The following TCOF1 variants were observed in gnomAD, a reference collection of about 807,000 sequenced individuals.
TCOF1 encodes treacle ribosome biogenesis factor 1.
Under a neutral mutation model 149.0 loss-of-function variants are expected in TCOF1, and 33 were observed. The observed-to-expected ratio is 0.22, with a 90% CI of 0.17 to 0.30. The LOEUF is 0.30. Among genes scored for constraint, TCOF1 ranks in the 10% least tolerant of loss-of-function variants. The pLI, the probability that TCOF1 is intolerant of heterozygous loss-of-function variation, is 1.00. For missense variants in TCOF1, 1,728 were observed against 1,840.7 expected, an observed-to-expected ratio of 0.94 and a Z score of 1.12; for synonymous variants, 789 against 738.8, an observed-to-expected ratio of 1.07 and a Z score of -1.10.
At chr5:150,371,447 C>G (rs553604836) in intron 6 of TCOF1, among the ~76,000 whole-genome samples, 1 of 152,174 alleles carries the variant, frequency 6.6e-6, no homozygotes, top group Non-Finnish European at 1.5e-5. Flanking sequence ...CCCAGAAACC[C>G]AGGGCCGCAA....
chr5:150,376,075 C>T lies in TCOF1; in HGVS notation c.1894-7C>T, dbSNP rs1763726554. 1.2e-6 allele frequency: 2 copies of T among 1,614,056 alleles called. No individual in the cohort carries two copies. The highest frequency in any genetic ancestry group is 1.1e-5 in the South Asian group (1 of 91,070). On this transcript the variant is annotated splice_polypyrimidine_tract_variant and splice_region_variant and intron_variant, in intron 12 of 26. Transcript: ENST00000643257. ...CCTTCTCCAGCCTTTCTTTGGTGTC[C>T]CCTCAGGCAAAACCAGCTCTGAAAA...
rs1204442859 is a variant in TCOF1 at position 150,392,704 on chromosome 5, G to A, written c.3518-1G>A. 1.2e-6 allele frequency: 2 copies of A among 1,613,968 alleles called. No individual in the cohort carries two copies. The highest frequency in any genetic ancestry group is 1.7e-6 in the Non-Finnish European group (2 of 1,179,982). On this transcript the variant is annotated splice_acceptor_variant, in intron 21 of 26. Coordinates refer to ENST00000643257, the MANE Select transcript of TCOF1 (RefSeq NM_001371623.1). LOFTEE classifies it high-confidence loss of function. Reference sequence around the variant, plus strand: ...ACCAACAGGATACTGTGCTTCTCCAGTAGGTCCCACCCCCTCCAGGACAGA... The same window carrying A: ...ACCAACAGGATACTGTGCTTCTCCAATAGGTCCCACCCCCTCCAGGACAGA...
chr5:150,391,058 G>T (rs1353249985), intron 19 of TCOF1, among the ~76,000 whole-genome samples: 1 of 152,176 alleles, frequency 6.6e-6, no homozygotes, highest in Admixed American at 6.5e-5. Context: ...CTCCAGGCAG[G>T]GAAACTGCAG....
intron 3 of TCOF1, chr5:150,367,521 TG>T (rs1761624219): frequency 1.6e-5 from 6 of 384,942 alleles, no homozygotes; most frequent in South Asian, 1.3e-4. Flanking sequence ...CATTGCAGTG[TG>T]CAGTGCCCAG....
At chr5:150,393,242 A>G (rs937267232) in intron 22 of TCOF1, 130 bp from the exon 23 acceptor site, 2 of 1,111,864 alleles carry the variant, frequency 1.8e-6, no homozygotes, top group African/African-American at 3.1e-5. Context: ...TTGTCCACCC[A>G]CTCTGCACTG....
intron 21 of TCOF1, 188 bp from the exon 22 acceptor site, chr5:150,392,517 A>G: frequency 1.6e-6 from 1 of 638,254 alleles, no homozygotes; most frequent in Non-Finnish European, 2.8e-6. Flanking sequence ...CAAATGTCGC[A>G]CCTAGCATGC....
At chr5:150,377,685 T>C (rs1764137481) in intron 14 of TCOF1, among the ~76,000 whole-genome samples, 1 of 152,166 alleles carries the variant, frequency 6.6e-6, no homozygotes, top group Admixed American at 6.5e-5. Flanking sequence ...AGGGGCCCCT[T>C]CCAGAGCCGC....
At chr5:150,365,558 C>G (rs1346964776) in intron 3 of TCOF1, among the ~76,000 whole-genome samples, 3 of 152,138 alleles carry the variant, frequency 2.0e-5, no homozygotes, top group Non-Finnish European at 2.9e-5. Flanking sequence ...CCTCTATATT[C>G]ATTCAAACAT....
chr5:150,378,390 A>G (rs1199013520), intron 14 of TCOF1, among the ~76,000 whole-genome samples: 1 of 152,202 alleles, frequency 6.6e-6, no homozygotes, highest in African/African-American at 2.4e-5. Context: ...ATTAAGCTGA[A>G]GAAAACCTTA....
chr5:150,385,777 A>G (rs2748222), intron 17 of TCOF1, among the ~76,000 whole-genome samples: 61,344 of 151,960 alleles, frequency 0.4, 12,583 homozygotes, highest in Middle Eastern at 0.51. Context: ...GGGGTATCCC[A>G]GGGTTCCCTC....
chr5:150,362,628 G>A (rs1292166094), intron 2 of TCOF1, among the ~76,000 whole-genome samples: 2 of 152,162 alleles, frequency 1.3e-5, no homozygotes, highest in African/African-American at 4.8e-5. Context: ...CATTAGAGGT[G>A]TGTAAACAAA....
chr5:150,385,133 T>C (rs1233373783), intron 17 of TCOF1: 1 of 954,406 alleles, frequency 1.0e-6, no homozygotes, highest in Non-Finnish European at 1.2e-6. Context: ...CAAAACATCA[T>C]GTTATATACC....
At chr5:150,376,398 A>G (rs1157640772) in intron 13 of TCOF1, 25 bp from the exon 14 acceptor site, 1 of 1,613,870 alleles carries the variant, frequency 6.2e-7, no homozygotes, top group African/African-American at 1.3e-5. Flanking sequence ...TCCTGGAGAC[A>G]CCTCTCTTCC....
chr5:150,376,069 G>C lies in TCOF1; in HGVS notation c.1894-13G>C. ...CAGGAACCTTCTCCAGCCTTTCTTT[G>C]GTGTCCCCTCAGGCAAAACCAGCTC... On this transcript the variant is annotated splice_polypyrimidine_tract_variant and intron_variant, in intron 12 of 26. Transcript: ENST00000643257. 6.2e-7 allele frequency: 1 copy of C among 1,613,872 alleles called. No individual in the cohort carries two copies.
At chr5:150,381,024 AAAAG>A (rs1765046787) in intron 17 of TCOF1, among the ~76,000 whole-genome samples, 1 of 152,092 alleles carries the variant, frequency 6.6e-6, no homozygotes, top group Non-Finnish European at 1.5e-5. Flanking sequence ...AAAAATAAAA[AAAAG>A]AGATGATAAA....
chr5:150,389,020 C>T (rs189393648), intron 18 of TCOF1, among the ~76,000 whole-genome samples: 3 of 152,228 alleles, frequency 2.0e-5, no homozygotes, highest in Middle Eastern at 3.4e-3. Context: ...GTAGGAAGAT[C>T]GCTTGAGCCC....
At chr5:150,376,382 T>C (rs375287879) in intron 13 of TCOF1, 41 bp from the exon 14 acceptor site, 40 of 1,613,978 alleles carry the variant, frequency 2.5e-5, no homozygotes, top group Non-Finnish European at 3.4e-5. Context: ...ACGTGGTCCT[T>C]TGGACTCCTG....
At position 150,367,894 on chromosome 5, in the gene TCOF1, T is replaced by C; in HGVS notation, c.355T>C (p.Ser119Pro). The C allele has an allele frequency of 6.2e-7, 1 of 1,614,176 alleles. No individual in the cohort carries two copies. Among genetic ancestry groups the C allele is most frequent in the Admixed American group, 1.7e-5 (1 of 60,028 alleles). ...NSSVLGADLP[S>P]SMKEKAKAET... Reference sequence around the variant, plus strand: ...CTCAGTCCTGGGGGCGGACTTGCCATCAAGCATGAAAGAAAAAGCCAAGGT... The same window carrying C: ...CTCAGTCCTGGGGGCGGACTTGCCACCAAGCATGAAAGAAAAAGCCAAGGT... Residue 119 changes from serine to proline, a missense_variant, in exon 4 of 27, where the codon TCA becomes CCA. Ser to Pro is a moderately conservative substitution (Grantham distance 74). Around this residue, in one of 2 missense-constraint regions of TCOF1, gnomAD observed 1,696 missense variants for 1,765.4 expected, o/e 0.96. Coordinates refer to ENST00000643257, the MANE Select transcript of TCOF1 (RefSeq NM_001371623.1).
intron 1 of TCOF1, among the ~76,000 whole-genome samples, chr5:150,358,094 A>G (rs1759072440): frequency 2.0e-5 from 3 of 152,212 alleles, no homozygotes; most frequent in Admixed American, 6.5e-5. Flanking sequence ...GTGTGCTCGC[A>G]GGGGCCGAAC....
Sources: gnomAD v4.1 joint callset for allele counts (sites outside exome capture counted in the v4.1 genomes callset) on GRCh38, gnomAD v4.1.1 for gene constraint, gnomAD v4.1.1 regional missense constraint, MANE v1.5 for transcripts, NCBI Gene and HGNC (gene_info 2026-07-23, HGNC 2026-07-21) for gene names.